Variants in SLC35F5 observed in about 807,000 individuals in gnomAD.
SLC35F5 encodes solute carrier family 35 member F5, also known as HCV NS5A-transactivated protein 3.
SLC35F5 carries 54 observed loss-of-function variants against 68.6 expected under a neutral mutation model. The ratio of observed to expected loss-of-function variants is 0.79; its 90% CI spans 0.63 to 0.99. The LOEUF (loss-of-function observed/expected upper bound fraction) is 0.99, where lower values mean the gene tolerates loss of function less well. SLC35F5 is among the 50% of genes least tolerant of loss of function. The pLI is 0.00. For synonymous variants in SLC35F5, 211 were observed against 205.2 expected (o/e 1.03, Z -0.24); for missense variants, 567 against 626.9 (o/e 0.90, Z 1.02).
intron 7 of SLC35F5, among the ~76,000 whole-genome samples, chr2:113,736,794 T>A (rs55872727): frequency 0.69 from 104,906 of 151,954 alleles, 37,007 homozygotes; most frequent in Middle Eastern, 0.82. Flanking sequence ...GGACTTTTTT[T>A]AAAAAATTCT....
Position 113,740,299 on chromosome 2 carries a change from C to G in SLC35F5, c.750+2393G>C, listed in dbSNP as rs114424537. ...GGTGAGCACACAACTCATCCGTAGG[C>G]AGAAAGGCAGGGAGGCAATAGGAAA... On this transcript the variant is annotated intron_variant, in intron 7 of 15. Transcript: ENST00000245680. Among the ~76,000 whole-genome samples, 1,449 of 152,186 alleles carry G rather than the reference C, an allele frequency of 9.5e-3. 29 individuals carry two copies. Among genetic ancestry groups the G allele is most frequent in the African/African-American group, 0.032 (1,332 of 41,502 alleles).
intron 11 of SLC35F5, among the ~76,000 whole-genome samples, chr2:113,727,067 G>A (rs1205196206): frequency 6.6e-6 from 1 of 152,140 alleles, no homozygotes; most frequent in East Asian, 1.9e-4. Context: ...TGGATCATGT[G>A]GGTGGTTTCC....
intron 1 of SLC35F5, chr2:113,755,891 T>C: frequency 1.2e-5 from 19 of 1,550,622 alleles, no homozygotes; most frequent in Non-Finnish European, 1.6e-5. Flanking sequence ...GGGGACAGCG[T>C]CTAGACACTG....
rs1456290599 is a variant in SLC35F5 at position 113,709,807 on chromosome 2, A to G, written c.*5411T>C. On this transcript the variant is annotated 3_prime_UTR_variant, in exon 16 of 16. Coordinates refer to ENST00000245680, the MANE Select transcript of SLC35F5 (RefSeq NM_025181.5). ...ACTCTAGGGTGGCCCCCAGCAATCA[A>G]GTTTTTGGTTTTGTTTTTTTAACAG... 6.6e-6 allele frequency among the ~76,000 whole-genome samples: 1 copy of G among 151,976 alleles called. No individual in the cohort carries two copies. The highest frequency in any genetic ancestry group is 1.5e-5 in the Non-Finnish European group (1 of 67,980).
Position 113,729,888 on chromosome 2 carries a change from A to T in SLC35F5, c.986-383T>A, listed in dbSNP as rs1172287010. On this transcript the variant is annotated intron_variant, in intron 10 of 15. Coordinates refer to ENST00000245680, the MANE Select transcript of SLC35F5 (RefSeq NM_025181.5). ...CACCTGGCATTTTCCAACTTAACAA[A>T]TTTTTTTTCCATCACTAAGCTGTTG... 9.2e-5 allele frequency among the ~76,000 whole-genome samples: 14 copies of T among 152,088 alleles called. 1 individual carries two copies. In the South Asian group the frequency reaches 2.1e-3, roughly 23 times the overall value.
At chr2:113,747,347 C>T (rs1676537322) in intron 4 of SLC35F5, among the ~76,000 whole-genome samples, 1 of 151,876 alleles carries the variant, frequency 6.6e-6, no homozygotes, top group Admixed American at 6.6e-5. Flanking sequence ...AATCACTGCG[C>T]TAATGCTATG....
rs139852762 is a variant in SLC35F5 at position 113,742,879 on chromosome 2, G to T, written c.563C>A (p.Thr188Asn). 2 of 1,610,392 alleles carry T rather than the reference G, an allele frequency of 1.2e-6. No individual in the cohort carries two copies. The highest frequency in any genetic ancestry group is 2.7e-5 in the African/African-American group (2 of 74,764). Residue 188 changes from threonine (T) to asparagine (N), a missense_variant and splice_region_variant, in exon 7 of 16, where the codon ACC becomes AAC. By Grantham distance (65) the Thr-to-Asn change is moderately conservative. Transcript: ENST00000245680. ...GAACCTCACACGAGACTTTTTGGGG[G>T]CTTAAAAGGAAGAGCATAATATGAA... Reference protein sequence around the residue: ...PESTNIDTEKTPKKSRVRFSN... With the variant: ...PESTNIDTEKNPKKSRVRFSN...
At chr2:113,743,269 G>A (rs940363554) in intron 6 of SLC35F5, among the ~76,000 whole-genome samples, 2 of 152,068 alleles carry the variant, frequency 1.3e-5, no homozygotes, top group South Asian at 2.1e-4. Flanking sequence ...GGGCAAGCAC[G>A]CAGAACAATT....
rs1677002998 is a variant in SLC35F5 at position 113,756,556 on chromosome 2, C to A, written c.-147G>T. On this transcript the variant is annotated 5_prime_UTR_variant, in exon 1 of 16. Transcript: ENST00000245680. ...CCTCAGGGAGAGGCTCCCGACACCA[C>A]CCAACTCCACTCGGCCCAGGAGGGC... 1 of 1,466,584 alleles carries A rather than the reference C, an allele frequency of 6.8e-7. No individual in the cohort carries two copies. Among genetic ancestry groups the A allele is most frequent in the Non-Finnish European group, 9.0e-7 (1 of 1,112,586 alleles). The allele number at this position is 1,466,584 out of a possible 1,614,324, so 90.8% of individuals were successfully genotyped here. A position where few individuals can be genotyped will look rare whatever the true frequency, so the allele number is the denominator to read the frequency against.
intron 10 of SLC35F5, among the ~76,000 whole-genome samples, chr2:113,730,664 C>T (rs73955058): frequency 0.2 from 29,776 of 152,090 alleles, 3,208 homozygotes; most frequent in South Asian, 0.25. Context: ...GAACTCCTGG[C>T]CTCAAGCGAT....
chr2:113,737,794 C>T (rs1429391955), intron 7 of SLC35F5, among the ~76,000 whole-genome samples: 2 of 152,172 alleles, frequency 1.3e-5, no homozygotes, highest in Non-Finnish European at 2.9e-5. Context: ...CTTGTTTCCA[C>T]AGCACCCTCA....
Position 113,712,897 on chromosome 2 carries a change from C to T in SLC35F5, c.*2321G>A, listed in dbSNP as rs529880484. ...CGTCAGCAGTTACTTGAATGTAACC[C>T]CTTCCCAGCATTTCCAAAGACCTGC... On this transcript the variant is annotated 3_prime_UTR_variant, in exon 16 of 16. Coordinates refer to ENST00000245680, the MANE Select transcript of SLC35F5 (RefSeq NM_025181.5). 6.6e-6 allele frequency: 1 copy of T among 152,262 alleles called. No homozygotes were observed. The highest frequency in any genetic ancestry group is 2.4e-5 in the African/African-American group (1 of 41,544). 9.4% of individuals were successfully genotyped at this position (152,262 alleles called of 1,614,324 possible). A position where few individuals can be genotyped will look rare whatever the true frequency, so the allele number is the denominator to read the frequency against.
At chr2:113,749,435 G>GC (rs1676647850) in intron 4 of SLC35F5, among the ~76,000 whole-genome samples, 1 of 152,182 alleles carries the variant, frequency 6.6e-6, no homozygotes, top group South Asian at 2.1e-4. Flanking sequence ...AGGATTCAAG[G>GC]TTACAGCAAA....
Position 113,715,770 on chromosome 2 carries a change from A to T in SLC35F5, c.*23-575T>A, listed in dbSNP as rs896013727. 5.9e-5 allele frequency among the ~76,000 whole-genome samples: 9 copies of T among 152,170 alleles called. No homozygotes were observed. The South Asian group carries it at 1.9e-3, about 31-fold the overall frequency. ...TATGTTATAATGTTGATGCAAAAAAAAAAAGTTTTGCTGTAATTTTGCTTA... is the reference window on the plus strand; with the variant it reads ...TATGTTATAATGTTGATGCAAAAAATAAAAGTTTTGCTGTAATTTTGCTTA... On this transcript the variant is annotated intron_variant, in intron 15 of 15. Transcript: ENST00000245680.
Position 113,742,699 on chromosome 2 carries a change from C to CAA in SLC35F5, c.741_742dup (p.Cys248PhefsTer23). On this transcript the variant is annotated frameshift_variant, in exon 7 of 16. Coordinates refer to ENST00000245680, the MANE Select transcript of SLC35F5 (RefSeq NM_025181.5). LOFTEE classifies it high-confidence loss of function. ...ATATCATAAAAGACCTACCACAAAG[C>CAA]AAAAAAAAAAGCTAATTTTCGCTAC... 2 of 1,420,338 alleles carry CAA rather than the reference C, an allele frequency of 1.4e-6. No individual in the cohort carries two copies. Among genetic ancestry groups the CAA allele is most frequent in the Non-Finnish European group, 1.9e-6 (2 of 1,037,534 alleles). 88.0% of individuals were successfully genotyped at this position (1,420,338 alleles called of 1,614,324 possible).
At chr2:113,756,335 T>C in intron 1 of SLC35F5, 35 bp downstream of exon 1, 1 of 1,559,914 alleles carries the variant, frequency 6.4e-7, no homozygotes, top group Non-Finnish European at 8.7e-7. Context: ...CGGTTTGGGC[T>C]CCGGTGATGT....
chr2:113,716,357 G>C (rs1452076630), intron 15 of SLC35F5, among the ~76,000 whole-genome samples: 1 of 152,212 alleles, frequency 6.6e-6, no homozygotes, highest in African/African-American at 2.4e-5. Flanking sequence ...AAAAAGGGTA[G>C]TAACAGAGAA....
At chr2:113,743,408 C>G (rs1328455214) in intron 6 of SLC35F5, among the ~76,000 whole-genome samples, 1 of 151,938 alleles carries the variant, frequency 6.6e-6, no homozygotes, top group African/African-American at 2.4e-5. Flanking sequence ...TCTTTGAGGG[C>G]ATATTTAAGA....
chr2:113,720,180 G>C (rs1687373135), intron 13 of SLC35F5, among the ~76,000 whole-genome samples: 1 of 151,832 alleles, frequency 6.6e-6, no homozygotes, highest in South Asian at 2.1e-4. Flanking sequence ...CTAAAGATCA[G>C]AAACGATTGT....
Sources: gnomAD v4.1 joint callset for allele counts (sites outside exome capture counted in the v4.1 genomes callset) on GRCh38, gnomAD v4.1.1 for gene constraint, MANE v1.5 for transcripts, NCBI Gene and HGNC (gene_info 2026-07-23, HGNC 2026-07-21) for gene names.